The following SANBR variants were observed in gnomAD, a reference collection of about 807,000 sequenced individuals.
SANBR encodes the protein SANT and BTB domain regulator of CSR.
In SANBR, 77 loss-of-function variants were observed where a neutral mutation model predicts 101.8. The ratio of observed to expected loss-of-function variants is 0.76; its 90% CI spans 0.63 to 0.91. The LOEUF is 0.91. SANBR is among the 40% of genes least tolerant of loss of function. SANBR has a pLI of 0.00. For synonymous variants in SANBR, 279 were observed against 274.7 expected (o/e 1.02, Z -0.15); for missense variants, 875 against 853.0 (o/e 1.03, Z -0.32).
intron 11 of SANBR, among the ~76,000 whole-genome samples, chr2:61,097,018 G>C (rs991247212): frequency 6.6e-6 from 1 of 152,112 alleles, no homozygotes; most frequent in Non-Finnish European, 1.5e-5. Context: ...GCCAGGTGTG[G>C]TTGTGCGCGC....
At position 61,103,929 on chromosome 2, in the gene SANBR, C is replaced by G. The variant is rs748512594; in HGVS notation, c.1442C>G (p.Ala481Gly). 4 of 1,613,928 alleles carry G rather than the reference C, an allele frequency of 2.5e-6. No homozygotes were observed. Among genetic ancestry groups the G allele is most frequent in the Non-Finnish European group, 3.4e-6 (4 of 1,179,914 alleles). Residue 481 changes from alanine to glycine, a missense_variant, in exon 13 of 22, where the codon GCT becomes GGT. Coordinates refer to ENST00000402291, the MANE Select transcript of SANBR (RefSeq NM_001129993.3). Reference protein sequence around the residue: ...EGGDLPSCPTARMLDDLHKYR... With the variant: ...EGGDLPSCPTGRMLDDLHKYR... ...GGAGATTTGCCGTCCTGTCCCACTGCTAGAATGTTGGACGATTTGCACAAG... is the reference window on the plus strand; with the variant it reads ...GGAGATTTGCCGTCCTGTCCCACTGGTAGAATGTTGGACGATTTGCACAAG...
intron 3 of SANBR, among the ~76,000 whole-genome samples, chr2:61,071,347 A>G (rs577032175): frequency 6.6e-6 from 1 of 152,216 alleles, no homozygotes; most frequent in African/African-American, 2.4e-5. Context: ...TCAGGAGTTC[A>G]AGACCAGCCT....
chr2:61,116,527 A>G (rs921416872), intron 17 of SANBR, among the ~76,000 whole-genome samples: 1 of 152,132 alleles, frequency 6.6e-6, no homozygotes, highest in Admixed American at 6.6e-5. Flanking sequence ...ATATTTTATG[A>G]TATTTAAAAA....
intron 13 of SANBR, among the ~76,000 whole-genome samples, chr2:61,105,557 A>G (rs939010814): frequency 3.3e-5 from 5 of 151,796 alleles, no homozygotes; most frequent in African/African-American, 1.2e-4. Context: ...TAGTAGAGAC[A>G]GGGTTTCACC....
chr2:61,120,252 C>A (rs1684267746), intron 20 of SANBR, among the ~76,000 whole-genome samples: 1 of 152,124 alleles, frequency 6.6e-6, no homozygotes, highest in African/African-American at 2.4e-5. Flanking sequence ...CCTGTAATCC[C>A]AGCACTTTGG....
chr2:61,076,581 T>C (rs1324426554), intron 5 of SANBR, among the ~76,000 whole-genome samples: 1 of 145,936 alleles, frequency 6.9e-6, no homozygotes, highest in Non-Finnish European at 1.5e-5. Context: ...TGAGCCGAGA[T>C]CACGTCACTG....
downstream of SANBR, among the ~76,000 whole-genome samples, chr2:61,128,100 G>A (rs1301032283): frequency 4.0e-5 from 6 of 151,784 alleles, no homozygotes; most frequent in African/African-American, 7.3e-5. Context: ...GTGAAACCCT[G>A]TCTCTACTAA....
At position 61,109,133 on chromosome 2, in the gene SANBR, T is replaced by C. The variant is rs1054301115; in HGVS notation, c.1645-64T>C. On this transcript the variant is annotated intron_variant, in intron 15 of 21. Transcript: ENST00000402291. ...CATTCAAAAGAAATTTAGGTAAATA[T>C]GTTTGAAAGAATTCAATAAAAAATC... is the stretch of plus-strand genomic sequence containing the variant. 1.1e-4 allele frequency: 89 copies of C among 791,748 alleles called. No individual in the cohort carries two copies. In the Admixed American group the frequency reaches 2.4e-3, roughly 22 times the overall value. The allele number at this position is 791,748 out of a possible 1,614,324, so 49.0% of individuals were successfully genotyped here.
chr2:61,104,770 T>TAAA (rs556252804), intron 13 of SANBR, among the ~76,000 whole-genome samples: 1 of 151,976 alleles, frequency 6.6e-6, no homozygotes, highest in Non-Finnish European at 1.5e-5. Flanking sequence ...GAGGACTCTT[T>TAAA]AAAAGAGGCT....
intron 4 of SANBR, among the ~76,000 whole-genome samples, chr2:61,072,572 G>C (rs1455459923): frequency 6.6e-6 from 1 of 151,970 alleles, no homozygotes; most frequent in African/African-American, 2.4e-5. Context: ...GCAAGACACT[G>C]TCTGTAAAAA....
chr2:61,117,072 T>C, intron 17 of SANBR: 1 of 369,662 alleles, frequency 2.7e-6, no homozygotes, highest in African/African-American at 2.1e-5. Flanking sequence ...AAAAAAAAAA[T>C]TGCATAAGCT....
chr2:61,074,606 G>A (rs1366612534), intron 5 of SANBR, among the ~76,000 whole-genome samples: 1 of 151,994 alleles, frequency 6.6e-6, no homozygotes, highest in Non-Finnish European at 1.5e-5. Context: ...CTTTCGCCAT[G>A]GTGGCCGGCC....
At chr2:61,068,275 C>G (rs1681284349) in intron 1 of SANBR, among the ~76,000 whole-genome samples, 1 of 152,136 alleles carries the variant, frequency 6.6e-6, no homozygotes, top group Non-Finnish European at 1.5e-5. Flanking sequence ...GATTCACTCA[C>G]TTTTTTCATC....
rs773407379 is a variant in SANBR at position 61,077,039 on chromosome 2, C to G, written c.551C>G (p.Ala184Gly). 6.2e-7 allele frequency: 1 copy of G among 1,613,466 alleles called. No homozygotes were observed. The highest frequency in any genetic ancestry group is 8.5e-7 in the Non-Finnish European group (1 of 1,179,582). The change falls in exon 6 of 22, where the codon GCC (alanine) becomes GGC (glycine). Residue 184 changes from alanine (A) to glycine (G), a missense_variant. Coordinates refer to ENST00000402291, the MANE Select transcript of SANBR (RefSeq NM_001129993.3). ...KYFAEYLSMD[A>G]QRWEEVDISV... ...TTTGCTGAATATTTATCTATGGATG[C>G]CCAGCGCTGGGAAGAGGTGGACATT...
chr2:61,087,766 G>A (rs1204929719), intron 8 of SANBR, among the ~76,000 whole-genome samples: 1 of 151,732 alleles, frequency 6.6e-6, no homozygotes, highest in African/African-American at 2.4e-5. Context: ...CAGGATAATC[G>A]CTTGAACCCG....
At chr2:61,126,731 G>T (rs1684524368), downstream of SANBR, among the ~76,000 whole-genome samples, 1 of 146,068 alleles carries the variant, frequency 6.8e-6, no homozygotes, top group African/African-American at 2.6e-5. Flanking sequence ...GAACCCGGAA[G>T]GTGGAGGTTG....
intron 16 of SANBR, among the ~76,000 whole-genome samples, chr2:61,113,050 C>T (rs1456838557): frequency 1.3e-5 from 2 of 152,060 alleles, no homozygotes; most frequent in African/African-American, 2.4e-5. Context: ...TAGGCATAGC[C>T]GGTTGTTCCA....
intron 4 of SANBR, 124 bp downstream of exon 4, chr2:61,071,916 C>A: frequency 1.6e-6 from 1 of 619,580 alleles, no homozygotes; most frequent in Non-Finnish European, 2.7e-6. Context: ...GAAATGTATT[C>A]ATATTTGTAT....
intron 7 of SANBR, among the ~76,000 whole-genome samples, chr2:61,082,483 C>T (rs1028784684): frequency 3.9e-5 from 6 of 152,102 alleles, no homozygotes; most frequent in African/African-American, 1.4e-4. Flanking sequence ...AAATTTTCTG[C>T]CACCCAGGGA....
Sources: allele counts gnomAD v4.1 joint callset (sites outside exome capture counted in the v4.1 genomes callset), GRCh38; gene constraint gnomAD v4.1.1; transcripts MANE v1.5; gene names NCBI Gene and HGNC (gene_info 2026-07-23, HGNC 2026-07-21).